The following PPWD1 variants were observed in gnomAD, a reference collection of about 807,000 sequenced individuals.
PPWD1 encodes peptidylprolyl isomerase domain and WD repeat containing 1.
Under a neutral mutation model 68.8 loss-of-function variants are expected in PPWD1, and 43 were observed. That is an observed-to-expected ratio of 0.62 (90% CI 0.49 to 0.81). PPWD1 has a LOEUF of 0.81. Among genes scored for constraint, PPWD1 ranks in the 30% least tolerant of loss-of-function variants. The pLI is 0.00. For synonymous variants in PPWD1, 232 were observed against 258.7 expected (o/e 0.90, Z 0.99); for missense variants, 672 against 804.8 (o/e 0.83, Z 2.00).
At position 65,579,457 on chromosome 5, in the gene PPWD1, T is replaced by TA; in HGVS notation, c.1195dup (p.Arg399LysfsTer27). 6.3e-7 allele frequency: 1 copy of TA among 1,590,234 alleles called. No homozygotes were observed. The highest frequency in any genetic ancestry group is 8.5e-7 in the Non-Finnish European group (1 of 1,171,272). On this transcript the variant is annotated frameshift_variant, in exon 7 of 11. Transcript: ENST00000261308. LOFTEE classifies it high-confidence loss of function. ...GGATTTTAGGCAAACAAGAAAATAT[T>TA]AGAGTGATGCAATTGGCTTTGTTCC...
At chr5:65,565,801 C>T (rs1752721411) in intron 1 of PPWD1, among the ~76,000 whole-genome samples, 1 of 108,796 alleles carries the variant, frequency 9.2e-6, no homozygotes, top group Admixed American at 8.6e-5. Flanking sequence ...GAGCAAGACT[C>T]CGTCTCAAAA....
intron 6 of PPWD1, among the ~76,000 whole-genome samples, chr5:65,577,271 T>G (rs977161060): frequency 6.6e-6 from 1 of 152,238 alleles, no homozygotes; most frequent in Non-Finnish European, 1.5e-5. Flanking sequence ...CCACTCATGT[T>G]TGTAAAAGAA....
At chr5:65,577,104 G>A (rs1411672112) in intron 6 of PPWD1, 35 bp downstream of exon 6, 20 of 1,575,542 alleles carry the variant, frequency 1.3e-5, no homozygotes, top group Admixed American at 1.8e-5. Flanking sequence ...TTTTAAAAAT[G>A]TGTTTGTGGG....
chr5:65,578,055 A>G (rs543196073), intron 6 of PPWD1, among the ~76,000 whole-genome samples: 13 of 152,176 alleles, frequency 8.5e-5, no homozygotes, highest in Non-Finnish European at 1.6e-4. Flanking sequence ...CACCATCTCC[A>G]TAGTTTTGCC....
At chr5:65,572,655 A>G (rs375310583) in intron 5 of PPWD1, among the ~76,000 whole-genome samples, 5 of 151,922 alleles carry the variant, frequency 3.3e-5, no homozygotes, top group Admixed American at 6.6e-5. Flanking sequence ...CTAACCTTCT[A>G]TTACAAGCAA....
At chr5:65,569,802 A>T (rs1483481684) in intron 3 of PPWD1, 70 bp downstream of exon 3, 4 of 1,548,812 alleles carry the variant, frequency 2.6e-6, no homozygotes, top group African/African-American at 1.4e-5. Context: ...AATTTTTTAA[A>T]TTTTTTTTCT....
chr5:65,582,939 AC>A (rs1753659290), intron 7 of PPWD1, 98 bp from the exon 8 acceptor site: 3 of 1,371,178 alleles, frequency 2.2e-6, no homozygotes, highest in Admixed American at 2.9e-5. Context: ...GTGAATTCTT[AC>A]ATTTCTTAAG....
intron 9 of PPWD1, among the ~76,000 whole-genome samples, chr5:65,585,720 C>G (rs1753810956): frequency 6.6e-6 from 1 of 152,058 alleles, no homozygotes; most frequent in African/African-American, 2.4e-5. Context: ...CATACAGATC[C>G]TAAAATTGAT....
chr5:65,573,838 GA>G (rs1165065253), intron 5 of PPWD1, among the ~76,000 whole-genome samples: 11 of 151,992 alleles, frequency 7.2e-5, no homozygotes, highest in South Asian at 4.1e-4. Context: ...CCTCACACAA[GA>G]GTTACTCAAA....
rs1188250031 is a variant in PPWD1 at position 65,586,199 on chromosome 5, G to A, written c.1797+18G>A. On this transcript the variant is annotated intron_variant, in intron 10 of 10. Coordinates refer to ENST00000261308, the MANE Select transcript of PPWD1 (RefSeq NM_015342.4). The stretch of plus-strand genomic sequence containing the variant: ...TACCAACGGTAAGTACAGTATCATT[G>A]TTTATAAACTACAGATTGATAGGTT... The A allele has an allele frequency of 6.3e-7, 1 of 1,598,164 alleles. No individual in the cohort carries two copies. Among genetic ancestry groups the A allele is most frequent in the Admixed American group, 1.7e-5 (1 of 58,906 alleles).
intron 5 of PPWD1, among the ~76,000 whole-genome samples, chr5:65,573,838 G>A (rs1460573969): frequency 2.0e-5 from 3 of 151,992 alleles, no homozygotes; most frequent in Non-Finnish European, 4.4e-5. Flanking sequence ...CCTCACACAA[G>A]AGTTACTCAA....
At chr5:65,582,880 G>T (rs2150607366) in intron 7 of PPWD1, 158 bp from the exon 8 acceptor site, 1 of 933,710 alleles carries the variant, frequency 1.1e-6, no homozygotes, top group Non-Finnish European at 1.5e-6. Flanking sequence ...TAATTTAATT[G>T]CCTGACACAT....
chr5:65,567,629 A>G lies in PPWD1; in HGVS notation c.299+14A>G. On this transcript the variant is annotated intron_variant, in intron 2 of 10. Coordinates refer to ENST00000261308, the MANE Select transcript of PPWD1 (RefSeq NM_015342.4). ...GGTATGCACCAAGTAAGTCTATCAC[A>G]TCTTTTTTACTTTGTTCTGAGTTTA... The G allele has an allele frequency of 1.3e-6, 2 of 1,563,458 alleles. No homozygotes were observed. The highest frequency in any genetic ancestry group is 2.5e-5 in the South Asian group (2 of 81,066).
chr5:65,583,743 G>GT (rs35506525), intron 8 of PPWD1, among the ~76,000 whole-genome samples: 5,511 of 152,206 alleles, frequency 0.036, 169 homozygotes, highest in Middle Eastern at 0.092. Context: ...GAGGCCAGCA[G>GT]TTTGAGACTA....
rs750458713 is a variant in PPWD1, at chr5:65,579,519, T to C, written c.1256T>C (p.Ile419Thr). The C allele has an allele frequency of 1.2e-6, 2 of 1,611,504 alleles. No homozygotes were observed. Among genetic ancestry groups the C allele is most frequent in the Non-Finnish European group, 1.7e-6 (2 of 1,179,078 alleles). Residue 419 changes from isoleucine to threonine, a missense_variant, in exon 7 of 11, where the codon ATA becomes ACA. By Grantham distance (89) the Ile-to-Thr change is moderately conservative. Around this residue, in one of 2 missense-constraint regions of PPWD1, gnomAD observed 484 missense variants for 646.2 expected, o/e 0.75. Coordinates refer to ENST00000261308, the MANE Select transcript of PPWD1 (RefSeq NM_015342.4). The stretch of plus-strand genomic sequence containing the variant: ...AAAAAGCATCGTGCTGCAACTACTA[T>C]AGAAATGAAAGCTTCTGAAAATCCT... ...IAKKHRAATT[I>T]EMKASENPVL...
At chr5:65,584,989 A>G (rs1034658024) in intron 8 of PPWD1, 25 bp from the exon 9 acceptor site, 2 of 1,607,294 alleles carry the variant, frequency 1.2e-6, no homozygotes, top group Middle Eastern at 1.7e-4. Context: ...AATAGGTTTC[A>G]TATTTGTAAC....
chr5:65,572,866 CTT>C (rs969375731), intron 5 of PPWD1, among the ~76,000 whole-genome samples: 5 of 152,194 alleles, frequency 3.3e-5, no homozygotes, highest in Non-Finnish European at 5.9e-5. Context: ...AGTTCATGCT[CTT>C]TTGCCTGACC....
chr5:65,573,517 T>C (rs1233760289), intron 5 of PPWD1, among the ~76,000 whole-genome samples: 1 of 21,924 alleles, frequency 4.6e-5, no homozygotes, highest in South Asian at 2.1e-3. Flanking sequence ...GTACAGATGG[T>C]TTTTTTTTTT....
At chr5:65,578,067 C>A (rs1021507077) in intron 6 of PPWD1, among the ~76,000 whole-genome samples, 1 of 152,236 alleles carries the variant, frequency 6.6e-6, no homozygotes, top group African/African-American at 2.4e-5. Context: ...AGTTTTGCCT[C>A]TTCCAGAATG....
Sources: gnomAD v4.1 joint callset for allele counts (sites outside exome capture counted in the v4.1 genomes callset) on GRCh38, gnomAD v4.1.1 for gene constraint, gnomAD v4.1.1 regional missense constraint, MANE v1.5 for transcripts, NCBI Gene and HGNC (gene_info 2026-07-23, HGNC 2026-07-21) for gene names.